The following UNC13C variants were observed in gnomAD, a reference collection of about 807,000 sequenced individuals.
The protein encoded by UNC13C is unc-13 homolog C, also known as protein unc-13 homolog C.
A neutral mutation model predicts 245.4 loss-of-function variants in UNC13C; 174 were observed. The observed-to-expected ratio is 0.71, with a 90% CI of 0.63 to 0.80. The LOEUF is 0.80. Among genes scored for constraint, UNC13C ranks in the 30% least tolerant of loss-of-function variants. UNC13C has a pLI of 0.00. For missense variants in UNC13C, 2,829 were observed against 2,602.9 expected (o/e 1.09, Z -1.89); for synonymous variants, 992 against 895.1 (o/e 1.11, Z -1.93).
At chr15:54,474,099 G>C (rs1892601932) in intron 19 of UNC13C, among the ~76,000 whole-genome samples, 2 of 151,838 alleles carry the variant, frequency 1.3e-5, no homozygotes, top group South Asian at 2.1e-4. Context: ...CTTGGCTATT[G>C]TTATTAGTGC....
chr15:54,590,680 A>T (rs1461689448), intron 30 of UNC13C, among the ~76,000 whole-genome samples: 1 of 152,176 alleles, frequency 6.6e-6, no homozygotes, highest in Non-Finnish European at 1.5e-5. Context: ...TACCAGTTGT[A>T]TGCGCTTTCT....
At chr15:54,419,841 T>C (rs1322975150) in intron 19 of UNC13C, among the ~76,000 whole-genome samples, 1 of 152,148 alleles carries the variant, frequency 6.6e-6, no homozygotes, top group African/African-American at 2.4e-5. Flanking sequence ...ATTCAGAGTC[T>C]GTGTTGTCGT....
At chr15:54,512,345 CAGA>C (rs1454819482) in intron 24 of UNC13C, 1 of 455,726 alleles carries the variant, frequency 2.2e-6, no homozygotes, top group Non-Finnish European at 4.4e-6. Flanking sequence ...ATTCCATGAG[CAGA>C]AGAAGGAAGG....
the UNC13C span, among the ~76,000 whole-genome samples, chr15:53,882,919 G>C: frequency 1.3e-5 from 2 of 152,120 alleles, no homozygotes; most frequent in African/African-American, 2.4e-5. Context: ...GGAGGAGGGA[G>C]AGAAGCAGGA....
intron 24 of UNC13C, among the ~76,000 whole-genome samples, chr15:54,515,474 A>T (rs1433910483): frequency 6.6e-6 from 1 of 152,236 alleles, no homozygotes; most frequent in Non-Finnish European, 1.5e-5. Flanking sequence ...TAACAAAAAC[A>T]CATTGCTGCA....
At chr15:54,394,111 G>T (rs1456707188) in intron 18 of UNC13C, among the ~76,000 whole-genome samples, 1 of 151,784 alleles carries the variant, frequency 6.6e-6, no homozygotes, top group Admixed American at 6.6e-5. Context: ...CCTCTATACT[G>T]GTCAAGACCG....
intron 17 of UNC13C, among the ~76,000 whole-genome samples, chr15:54,375,175 T>C (rs1027228232): frequency 3.9e-5 from 6 of 152,212 alleles, no homozygotes; most frequent in African/African-American, 2.4e-5. Context: ...TAGGTAAAGC[T>C]TGGATGTTTT....
the UNC13C span, among the ~76,000 whole-genome samples, chr15:53,918,630 A>AT: frequency 6.6e-6 from 1 of 152,160 alleles, no homozygotes; most frequent in Non-Finnish European, 1.5e-5. Context: ...GATATTACAC[A>AT]TTGTCTAAGG....
intron 2 of UNC13C, among the ~76,000 whole-genome samples, chr15:54,073,237 T>A (rs2141101635): frequency 6.6e-6 from 1 of 152,362 alleles, no homozygotes; most frequent in Non-Finnish European, 1.5e-5. Context: ...CTGCATAGTA[T>A]TCTGTGGTGT....
intron 2 of UNC13C, among the ~76,000 whole-genome samples, chr15:54,118,017 T>G (rs2030395060): frequency 6.6e-6 from 1 of 152,204 alleles, no homozygotes; most frequent in South Asian, 2.1e-4. Context: ...TGTCTGTTTT[T>G]ATGCCAATAC....
intron 19 of UNC13C, among the ~76,000 whole-genome samples, chr15:54,451,368 G>T (rs551430165): frequency 1.3e-5 from 2 of 151,764 alleles, no homozygotes; most frequent in Non-Finnish European, 2.9e-5. Flanking sequence ...TGTTAAATAG[G>T]TTTTTTTTAT....
chr15:54,594,283 T>C (rs1166467677), intron 30 of UNC13C, among the ~76,000 whole-genome samples: 1 of 152,074 alleles, frequency 6.6e-6, no homozygotes, highest in African/African-American at 2.4e-5. Context: ...CTGAAAGCTC[T>C]TTTTTTGTGC....
chr15:53,946,933 C>T, the UNC13C span, among the ~76,000 whole-genome samples: 2 of 152,050 alleles, frequency 1.3e-5, no homozygotes, highest in African/African-American at 4.8e-5. Flanking sequence ...TAATGTTCAT[C>T]AAGGATATTG....
At chr15:54,594,645 A>G (rs1019636005) in intron 30 of UNC13C, among the ~76,000 whole-genome samples, 5 of 152,276 alleles carry the variant, frequency 3.3e-5, no homozygotes, top group African/African-American at 1.2e-4. Context: ...CAGCTCCCGC[A>G]CAAACTGTAG....
intron 4 of UNC13C, among the ~76,000 whole-genome samples, chr15:54,195,154 T>C (rs1885847516): frequency 8.9e-6 from 1 of 112,426 alleles, no homozygotes; most frequent in Admixed American, 8.7e-5. Flanking sequence ...TCTCTGATAC[T>C]GCACATACAA....
chr15:54,528,472 AC>A (rs1381582451), intron 25 of UNC13C, among the ~76,000 whole-genome samples: 1 of 152,002 alleles, frequency 6.6e-6, no homozygotes, highest in Non-Finnish European at 1.5e-5. Flanking sequence ...TACTGGCACT[AC>A]TTTTATTCAA....
chr15:53,879,827 C>T, the UNC13C span, among the ~76,000 whole-genome samples: 1 of 152,136 alleles, frequency 6.6e-6, no homozygotes, highest in Non-Finnish European at 1.5e-5. Context: ...CCTCACGATC[C>T]ACCTGCCTTG....
chr15:54,582,928 A>G (rs1898271381), intron 30 of UNC13C, among the ~76,000 whole-genome samples: 1 of 152,164 alleles, frequency 6.6e-6, no homozygotes. Flanking sequence ...CTGAAACTCT[A>G]AGGGGGTTTC....
chr15:54,478,418 G>C (rs1892900835), intron 19 of UNC13C, among the ~76,000 whole-genome samples: 1 of 124,992 alleles, frequency 8.0e-6, no homozygotes, highest in South Asian at 2.8e-4. Flanking sequence ...GTCAATTTTG[G>C]ATATTTCCTG....
Sources: allele counts gnomAD v4.1 joint callset (sites outside exome capture counted in the v4.1 genomes callset), GRCh38; gene constraint gnomAD v4.1.1; transcripts MANE v1.5; gene names NCBI Gene and HGNC (gene_info 2026-07-23, HGNC 2026-07-21).